MROH2A: variants seen among roughly 807,000 people sequenced by gnomAD.
MROH2A encodes maestro heat-like repeat-containing protein family member 2A.
Under a neutral mutation model 200.4 loss-of-function variants are expected in MROH2A, and 174 were observed. That is an observed-to-expected ratio of 0.87 (90% confidence interval 0.77 to 0.98). The LOEUF is 0.98. Ranked by LOEUF, MROH2A falls within the 50% of genes least tolerant of loss-of-function variation. MROH2A has a pLI of 0.00. For synonymous variants in MROH2A, 829 were observed against 840.4 expected, an observed-to-expected ratio of 0.99 and a Z score of 0.23; for missense variants, 2,045 against 2,139.6, an observed-to-expected ratio of 0.96 and a Z score of 0.87.
intron 38 of MROH2A, among the ~76,000 whole-genome samples, chr2:233,830,844 CCT>C (rs762155876): frequency 1.3e-5 from 2 of 152,242 alleles, no homozygotes; most frequent in African/African-American, 2.4e-5. Context: ...TCCTCACCAC[CCT>C]CTGTCTTCAG....
Position 233,788,123 on chromosome 2 carries a change from CATATATATTTTATATATATATA to C in MROH2A, c.277-1355_277-1334del, listed in dbSNP as rs1279558662. ...TATATATACATATATATTATATATA[CATATATATTTTATATATATATA>C]ATATATATTTTATATATACATATAC... On this transcript the variant is annotated intron_variant, in intron 3 of 41. Coordinates refer to ENST00000389758, the MANE Select transcript of MROH2A (RefSeq NM_001394639.1). 9.2e-5 allele frequency among the ~76,000 whole-genome samples: 9 copies of C among 97,742 alleles called. No homozygotes were observed. In the South Asian group the frequency reaches 1.1e-3, roughly 12 times the overall value. The allele number at this position is 97,742 out of a possible 152,430, so 64.1% of individuals were successfully genotyped here.
chr2:233,826,987 A>T (rs894462231), intron 35 of MROH2A, among the ~76,000 whole-genome samples: 4 of 152,250 alleles, frequency 2.6e-5, no homozygotes, highest in African/African-American at 9.6e-5. Context: ...AATATCACTG[A>T]TCATTAGGTA....
At chr2:233,819,536 G>A in intron 30 of MROH2A, 67 bp downstream of exon 30, 1 of 1,468,724 alleles carries the variant, frequency 6.8e-7, no homozygotes, top group East Asian at 2.5e-5. Flanking sequence ...CAGATGAGAG[G>A]GAAGGACGAG....
intron 40 of MROH2A, 58 bp downstream of exon 40, chr2:233,832,337 C>A: frequency 6.9e-7 from 1 of 1,447,382 alleles, no homozygotes; most frequent in Non-Finnish European, 9.4e-7. Flanking sequence ...CTAGTCCACC[C>A]CGGCACTCGG....
chr2:233,790,430 T>C (rs1373169053), intron 5 of MROH2A, among the ~76,000 whole-genome samples: 2 of 80,606 alleles, frequency 2.5e-5, no homozygotes, highest in Admixed American at 1.5e-4. Flanking sequence ...CCTTTTCTTC[T>C]CTCCTTCCTT....
At chr2:233,831,070 G>C (rs954613090) in intron 38 of MROH2A, among the ~76,000 whole-genome samples, 1 of 152,208 alleles carries the variant, frequency 6.6e-6, no homozygotes, top group African/African-American at 2.4e-5. Context: ...TGGGAGGTGA[G>C]GACACGTGCC....
chr2:233,812,818 T>C (rs1703254950), intron 24 of MROH2A, among the ~76,000 whole-genome samples: 1 of 152,184 alleles, frequency 6.6e-6, no homozygotes, highest in African/African-American at 2.4e-5. Context: ...AAAGGAGCTA[T>C]CAAGAGGCTT....
chr2:233,825,130 G>A (rs1186757601), intron 35 of MROH2A, among the ~76,000 whole-genome samples: 1 of 152,132 alleles, frequency 6.6e-6, no homozygotes, highest in African/African-American at 2.4e-5. Context: ...CTTGCCTGTT[G>A]TTAGTGTGTA....
intron 14 of MROH2A, among the ~76,000 whole-genome samples, chr2:233,800,962 AATCATC>A (rs966099553): frequency 3.3e-5 from 5 of 151,950 alleles, no homozygotes; most frequent in African/African-American, 7.2e-5. Context: ...AAATAATAAT[AATCATC>A]ATCATCATCA....
intron 26 of MROH2A, among the ~76,000 whole-genome samples, 159 bp downstream of exon 26, chr2:233,814,836 T>C (rs1354953658): frequency 6.6e-6 from 1 of 152,254 alleles, no homozygotes; most frequent in Non-Finnish European, 1.5e-5. Flanking sequence ...GCAAGGATAG[T>C]GCAAAGATAC....
At position 233,794,361 on chromosome 2, in the gene MROH2A, A is replaced by G. The variant is rs906718916; in HGVS notation, c.823-2A>G. 2.6e-6 allele frequency: 4 copies of G among 1,542,332 alleles called. No individual in the cohort carries two copies. The Admixed American group carries it at 7.9e-5, about 30-fold the overall frequency. On this transcript the variant is annotated splice_acceptor_variant, in intron 7 of 41. Transcript: ENST00000389758. LOFTEE classifies it high-confidence loss of function. ...CGTCCCAGAGCTGGTTTCTGGTGGC[A>G]GGTGAAGCTGGGGGTGATCAAGTCC...
chr2:233,811,830 G>A (rs1327934442), intron 23 of MROH2A, 50 bp from the exon 24 acceptor site: 11 of 1,238,630 alleles, frequency 8.9e-6, no homozygotes, highest in Non-Finnish European at 1.2e-5. Flanking sequence ...GGGGAGTGCT[G>A]CCGCCATCAT....
chr2:233,792,342 A>T (rs28899488), intron 5 of MROH2A, among the ~76,000 whole-genome samples: 1,798 of 141,708 alleles, frequency 0.013, 38 homozygotes, highest in African/African-American at 0.045. Context: ...AGATGGAGTC[A>T]TGCTCTGTCG....
At chr2:233,802,553 C>A in intron 15 of MROH2A, 1 of 445,782 alleles carries the variant, frequency 2.2e-6, no homozygotes, top group African/African-American at 2.0e-5. Context: ...GTCCTGTCCC[C>A]CCAGCCCACA....
At chr2:233,823,485 GC>G in intron 34 of MROH2A, 70 bp from the exon 35 acceptor site, 1 of 1,511,508 alleles carries the variant, frequency 6.6e-7, no homozygotes, top group Non-Finnish European at 8.9e-7. Context: ...ATGTGGCCCT[GC>G]CCAGCTCTTG....
Position 233,828,871 on chromosome 2 carries a change from G to C in MROH2A, c.4264-19G>C. Reference sequence around the variant, plus strand: ...CTGGGAGGGAGGGTGCAGGCTGAGGGCTGCCCATGCCCCTCCAGGTGAAGC... The same window carrying C: ...CTGGGAGGGAGGGTGCAGGCTGAGGCCTGCCCATGCCCCTCCAGGTGAAGC... On this transcript the variant is annotated intron_variant, in intron 36 of 41. Coordinates refer to ENST00000389758, the MANE Select transcript of MROH2A (RefSeq NM_001394639.1). The surrounding 1 kb of genome is among the most constrained non-coding windows in gnomAD (Gnocchi z 4.6). 1.3e-6 allele frequency: 2 copies of C among 1,550,354 alleles called. No individual in the cohort carries two copies. Among genetic ancestry groups the C allele is most frequent in the Non-Finnish European group, 1.7e-6 (2 of 1,146,906 alleles).
intron 3 of MROH2A, among the ~76,000 whole-genome samples, chr2:233,784,301 G>T (rs139515232): frequency 6.6e-6 from 1 of 151,822 alleles, no homozygotes; most frequent in Non-Finnish European, 1.5e-5. Context: ...TTGAACCAGT[G>T]GTCATCCAGC....
At chr2:233,825,921 CTTTTTTTTTTT>C (rs34849761) in intron 35 of MROH2A, among the ~76,000 whole-genome samples, 4 of 95,246 alleles carry the variant, frequency 4.2e-5, no homozygotes, top group Non-Finnish European at 7.7e-5. Context: ...TTTCTTTTTC[CTTTTTTTTTTT>C]TTTTTTTTTT....
chr2:233,798,943 G>C (rs1486964992), intron 12 of MROH2A, 93 bp downstream of exon 12: 4 of 1,042,426 alleles, frequency 3.8e-6, no homozygotes, highest in Non-Finnish European at 5.8e-6. Context: ...AGAGGCTTTT[G>C]ATGGAAAACC....
Sources: allele counts gnomAD v4.1 joint callset (sites outside exome capture counted in the v4.1 genomes callset), GRCh38; gene constraint gnomAD v4.1.1; non-coding constraint Gnocchi (gnomAD v3.1); transcripts MANE v1.5; gene names NCBI Gene and HGNC (gene_info 2026-07-23, HGNC 2026-07-21).